PRICKLE2: variants seen among roughly 807,000 people sequenced by gnomAD.
The protein encoded by PRICKLE2 is prickle-like protein 2.
PRICKLE2 carries 21 observed loss-of-function variants against 81.4 expected under a neutral mutation model. The ratio of observed to expected loss-of-function variants is 0.26; its 90% CI spans 0.18 to 0.37. PRICKLE2 has a LOEUF of 0.37. PRICKLE2 is among the 10% of genes least tolerant of loss of function. The probability of loss-of-function intolerance (pLI) is 1.00; values close to 1 mark genes in which losing one functional copy is unlikely to be tolerated. For missense variants in PRICKLE2, 940 were observed against 1,109.0 expected (o/e 0.85, Z 2.16); for synonymous variants, 456 against 421.5 (o/e 1.08, Z -1.00).
chr3:64,248,325 A>C (rs1175006557), intron 2 of PRICKLE2, among the ~76,000 whole-genome samples: 4 of 152,236 alleles, frequency 2.6e-5, no homozygotes. Context: ...AGGCAAAAAA[A>C]CAAAAACTTG....
upstream of PRICKLE2, among the ~76,000 whole-genome samples, chr3:64,228,558 C>G (rs2079060156): frequency 6.6e-6 from 1 of 150,394 alleles, no homozygotes; most frequent in South Asian, 2.1e-4. Flanking sequence ...ACAAATTATA[C>G]TGGTAGGTAT....
intron 2 of PRICKLE2, among the ~76,000 whole-genome samples, chr3:64,169,170 C>T (rs2077889449): frequency 6.6e-6 from 1 of 152,162 alleles, no homozygotes; most frequent in African/African-American, 2.4e-5. Flanking sequence ...TTAGCCAAGA[C>T]CTTTTTTTGC....
At chr3:64,113,699 G>A (rs2076887508) in intron 7 of PRICKLE2, among the ~76,000 whole-genome samples, 1 of 152,080 alleles carries the variant, frequency 6.6e-6, no homozygotes, top group Non-Finnish European at 1.5e-5. Context: ...TGGGCATAAA[G>A]CCAGCAAGCC....
At chr3:64,158,037 A>T (rs2077667118) in intron 4 of PRICKLE2, among the ~76,000 whole-genome samples, 1 of 152,264 alleles carries the variant, frequency 6.6e-6, no homozygotes, top group South Asian at 2.1e-4. Context: ...AAAAGAAACA[A>T]GGCAGAATCA....
intron 7 of PRICKLE2, among the ~76,000 whole-genome samples, chr3:64,107,389 C>A (rs980316820): frequency 5.3e-5 from 8 of 152,128 alleles, no homozygotes; most frequent in African/African-American, 1.4e-4. Context: ...TCCCCTCCCC[C>A]ACATGTCTTT....
At chr3:64,262,471 C>G (rs774595568) in intron 2 of PRICKLE2, among the ~76,000 whole-genome samples, 37 of 152,016 alleles carry the variant, frequency 2.4e-4, no homozygotes, top group Non-Finnish European at 4.7e-4. Context: ...GTATCTAAGT[C>G]TGGAGCTCAG....
intron 7 of PRICKLE2, among the ~76,000 whole-genome samples, chr3:64,137,398 A>T (rs930227262): frequency 3.9e-5 from 6 of 152,194 alleles, no homozygotes; most frequent in Non-Finnish European, 8.8e-5. Context: ...TCCACCCTGG[A>T]CGAATTTTCC....
Position 64,157,218 on chromosome 3 carries a change from A to G in PRICKLE2, c.544T>C (p.Tyr182His). 2.5e-6 allele frequency: 4 copies of G among 1,614,222 alleles called. No individual in the cohort carries two copies. Among genetic ancestry groups the G allele is most frequent in the South Asian group, 1.1e-5 (1 of 91,086 alleles). ...CACTCAGCATGGTGCCTGCCACAGTATATCTTCCCATCTTGGTAAAAGTAG... is the reference window on the plus strand; with the variant it reads ...CACTCAGCATGGTGCCTGCCACAGTGTATCTTCCCATCTTGGTAAAAGTAG... ...LIYFYQDGKI[Y>H]CGRHHAECLK... Residue 182 changes from tyrosine (Y) to histidine (H), a missense_variant, in exon 5 of 8, where the codon TAC becomes CAC. Physicochemically the swap from Tyr to His is moderately conservative, Grantham distance 83. This residue lies in a region of PRICKLE2 where 270 missense variants were observed against 391.8 expected (regional missense o/e 0.69). Coordinates refer to ENST00000638394, the MANE Select transcript of PRICKLE2 (RefSeq NM_198859.4).
intron 7 of PRICKLE2, among the ~76,000 whole-genome samples, chr3:64,120,353 T>C (rs546854658): frequency 6.6e-6 from 1 of 152,184 alleles, no homozygotes; most frequent in Non-Finnish European, 1.5e-5. Context: ...TTTAAGAGCA[T>C]AAAATGCACT....
chr3:64,199,772 T>A (rs951816281), intron 1 of PRICKLE2: 1 of 152,168 alleles, frequency 6.6e-6, no homozygotes, highest in African/African-American at 2.4e-5. Flanking sequence ...AATATGTTGA[T>A]GTCAGCAACA....
chr3:64,231,169 C>T (rs1416036229), intron 2 of PRICKLE2, among the ~76,000 whole-genome samples: 3 of 152,050 alleles, frequency 2.0e-5, no homozygotes, highest in Non-Finnish European at 2.9e-5. Flanking sequence ...TTTAACACAG[C>T]CTTTTATCCT....
At chr3:64,125,215 G>A (rs2077088016) in intron 7 of PRICKLE2, among the ~76,000 whole-genome samples, 1 of 152,160 alleles carries the variant, frequency 6.6e-6, no homozygotes, top group African/African-American at 2.4e-5. Flanking sequence ...TTGAATGGAT[G>A]AATTGTTGCT....
intron 1 of PRICKLE2, chr3:64,200,660 G>A (rs2078556977): frequency 6.6e-6 from 1 of 151,612 alleles, no homozygotes; most frequent in African/African-American, 2.4e-5. Flanking sequence ...CTGTCGCCCA[G>A]GCTGGAGTGC....
intron 2 of PRICKLE2, among the ~76,000 whole-genome samples, chr3:64,233,197 C>T (rs570889493): frequency 2.0e-5 from 3 of 152,194 alleles, no homozygotes; most frequent in Non-Finnish European, 4.4e-5. Flanking sequence ...CTGGTCCATG[C>T]CACTGCCATT....
chr3:64,165,528 C>G (rs186825155), intron 2 of PRICKLE2, among the ~76,000 whole-genome samples: 137 of 152,280 alleles, frequency 9.0e-4, no homozygotes, highest in Admixed American at 1.8e-3. Flanking sequence ...AATCCAGATG[C>G]TTCCTGGACT....
At position 64,098,077 on chromosome 3, in the gene PRICKLE2, T is replaced by A. The variant is rs1336969325; in HGVS notation, c.*974A>T. 2 of 152,668 alleles carry A rather than the reference T, an allele frequency of 1.3e-5. No individual in the cohort carries two copies. Among genetic ancestry groups the A allele is most frequent in the Non-Finnish European group, 2.9e-5 (2 of 68,054 alleles). 9.5% of individuals were successfully genotyped at this position (152,668 alleles called of 1,614,324 possible). On this transcript the variant is annotated 3_prime_UTR_variant, in exon 8 of 8. Transcript: ENST00000638394. ...AGCAGATAATACAATCCAGGAAACATGAGCACCAGAACATAATGCCACATT... is the reference window on the plus strand; with the variant it reads ...AGCAGATAATACAATCCAGGAAACAAGAGCACCAGAACATAATGCCACATT...
upstream of PRICKLE2, among the ~76,000 whole-genome samples, chr3:64,230,323 A>C (rs776578646): frequency 9.9e-5 from 15 of 152,226 alleles, no homozygotes; most frequent in Non-Finnish European, 1.9e-4. Context: ...TAATGCCTTT[A>C]AACAAAGGAA....
At chr3:64,240,810 C>T (rs2079253436) in intron 2 of PRICKLE2, among the ~76,000 whole-genome samples, 1 of 152,146 alleles carries the variant, frequency 6.6e-6, no homozygotes, top group Admixed American at 6.5e-5. Context: ...TTTCCACAAG[C>T]TCTCCAGGGG....
intron 1 of PRICKLE2, among the ~76,000 whole-genome samples, chr3:64,210,833 G>A (rs377260401): frequency 6.6e-6 from 1 of 152,146 alleles, no homozygotes; most frequent in African/African-American, 2.4e-5. Flanking sequence ...CAGTCATTGA[G>A]GGGCAGTATC....
Sources: allele counts gnomAD v4.1 joint callset (sites outside exome capture counted in the v4.1 genomes callset), GRCh38; gene constraint gnomAD v4.1.1; regional missense constraint gnomAD v4.1.1; transcripts MANE v1.5; gene names NCBI Gene and HGNC (gene_info 2026-07-23, HGNC 2026-07-21).